The following RPS6KA5 variants were observed in gnomAD, a reference collection of about 807,000 sequenced individuals.
RPS6KA5 encodes ribosomal protein S6 kinase A5.
RPS6KA5 carries 27 observed loss-of-function variants against 85.5 expected under a neutral mutation model. The ratio of observed to expected loss-of-function variants is 0.32; its 90% confidence interval spans 0.23 to 0.44. The LOEUF is 0.44. Among genes scored for constraint, RPS6KA5 ranks in the 20% least tolerant of loss-of-function variants. The probability of loss-of-function intolerance (pLI) is 1.00; values close to 1 mark genes in which losing one functional copy is unlikely to be tolerated. For synonymous variants in RPS6KA5, 334 were observed against 348.2 expected, an observed-to-expected ratio of 0.96 and a Z score of 0.46; for missense variants, 811 against 980.9, an observed-to-expected ratio of 0.83 and a Z score of 2.31.
intron 1 of RPS6KA5, among the ~76,000 whole-genome samples, chr14:91,005,651 G>C (rs943911153): frequency 3.3e-5 from 5 of 152,204 alleles, no homozygotes; most frequent in African/African-American, 1.2e-4. Flanking sequence ...GAGTCTAGGT[G>C]TCTAAATAGT....
At chr14:90,880,795 T>C (rs1009239130) in intron 14 of RPS6KA5, among the ~76,000 whole-genome samples, 45 of 152,198 alleles carry the variant, frequency 3.0e-4, no homozygotes, top group African/African-American at 1.1e-3. Flanking sequence ...TTTATTAATA[T>C]ATGAGGACCC....
intron 5 of RPS6KA5, among the ~76,000 whole-genome samples, chr14:90,942,238 A>G (rs2037610445): frequency 6.6e-6 from 1 of 152,200 alleles, no homozygotes; most frequent in Non-Finnish European, 1.5e-5. Flanking sequence ...TACTCCAAAA[A>G]CCAATCAGAA....
chr14:91,001,008 G>T, intron 2 of RPS6KA5, 80 bp downstream of exon 2: 3 of 778,850 alleles, frequency 3.9e-6, no homozygotes, highest in Non-Finnish European at 4.3e-6. Flanking sequence ...TTTAATTTCT[G>T]TATTGGGGAT....
In RPS6KA5 at chr14:90,859,964, G is replaced by T. The variant is rs2032462156; in HGVS notation, c.*12110C>A. On this transcript the variant is annotated 3_prime_UTR_variant, in exon 17 of 17. Transcript: ENST00000614987. ...CATCACACGCTGGGGCCTGTCGGGG[G>T]GTTGGGGGCTAGGGGAGGGATAACA... 6.6e-6 allele frequency: 1 copy of T among 151,908 alleles called. No homozygotes were observed. The allele number at this position is 151,908 out of a possible 1,614,324, so 9.4% of individuals were successfully genotyped here. A position where few individuals can be genotyped will look rare whatever the true frequency, so the allele number is the denominator to read the frequency against.
chr14:90,917,616 A>G (rs558080769), intron 7 of RPS6KA5, among the ~76,000 whole-genome samples: 52 of 152,238 alleles, frequency 3.4e-4, no homozygotes, highest in Non-Finnish European at 2.6e-4. Flanking sequence ...ACTGTAGGTT[A>G]GTTTGCATTT....
At chr14:90,949,398 A>G (rs1194762793) in intron 3 of RPS6KA5, among the ~76,000 whole-genome samples, 1 of 152,196 alleles carries the variant, frequency 6.6e-6, no homozygotes, top group East Asian at 1.9e-4. Flanking sequence ...CTATACTGCA[A>G]TTGTTTATTT....
At chr14:90,920,611 GCTTATGATAGGGAA>G (rs2036356516) in intron 6 of RPS6KA5, among the ~76,000 whole-genome samples, 1 of 150,632 alleles carries the variant, frequency 6.6e-6, no homozygotes, top group South Asian at 2.1e-4. Flanking sequence ...ATTTCTTTGG[GCTTATGATAGGGAA>G]CTAAAGTATT....
chr14:90,942,318 T>A (rs1247697130), intron 5 of RPS6KA5, among the ~76,000 whole-genome samples: 1 of 152,178 alleles, frequency 6.6e-6, no homozygotes, highest in Admixed American at 6.6e-5. Flanking sequence ...CTACAAAAAT[T>A]TTAGTATGAT....
intron 1 of RPS6KA5, among the ~76,000 whole-genome samples, chr14:91,041,427 TTTTC>T (rs764306256): frequency 6.6e-6 from 1 of 152,222 alleles, no homozygotes; most frequent in African/African-American, 2.4e-5. Flanking sequence ...GAGATTATTT[TTTTC>T]TTTTTGTCAG....
At chr14:91,017,009 T>C (rs1222301538) in intron 1 of RPS6KA5, among the ~76,000 whole-genome samples, 1 of 152,192 alleles carries the variant, frequency 6.6e-6, no homozygotes, top group Non-Finnish European at 1.5e-5. Flanking sequence ...CTTTCCCACC[T>C]GTCATCCTAT....
chr14:90,921,272 G>A (rs576606915), intron 6 of RPS6KA5, among the ~76,000 whole-genome samples: 5 of 152,258 alleles, frequency 3.3e-5, no homozygotes, highest in South Asian at 2.1e-4. Context: ...GACTAAAATC[G>A]TGAGAGCAAA....
At chr14:91,057,209 TAGAC>T (rs964185632) in intron 1 of RPS6KA5, among the ~76,000 whole-genome samples, 3 of 152,092 alleles carry the variant, frequency 2.0e-5, no homozygotes, top group African/African-American at 7.2e-5. Context: ...GACATTTTCT[TAGAC>T]ATACATTCAA....
At chr14:90,931,610 G>A (rs1022320409) in intron 5 of RPS6KA5, among the ~76,000 whole-genome samples, 7 of 151,638 alleles carry the variant, frequency 4.6e-5, no homozygotes, top group African/African-American at 1.7e-4. Context: ...ATGTTAAATG[G>A]CAAAAAAGAT....
chr14:90,871,854 C>T lies in RPS6KA5; in HGVS notation c.*220G>A. 1 of 487,828 alleles carries T rather than the reference C, an allele frequency of 2.0e-6. No individual in the cohort carries two copies. The highest frequency in any genetic ancestry group is 3.6e-6 in the Non-Finnish European group (1 of 281,112). The allele number at this position is 487,828 out of a possible 1,614,324, so 30.2% of individuals were successfully genotyped here. ...CAAGAATAGTCTTGTTGGCATCATG[C>T]TAGGTTGCTAAAAAGAGTAATATGT... On this transcript the variant is annotated 3_prime_UTR_variant, in exon 17 of 17. Coordinates refer to ENST00000614987, the MANE Select transcript of RPS6KA5 (RefSeq NM_004755.4).
At chr14:91,021,942 G>A (rs1172668814) in intron 1 of RPS6KA5, among the ~76,000 whole-genome samples, 1 of 152,154 alleles carries the variant, frequency 6.6e-6, no homozygotes, top group East Asian at 1.9e-4. Context: ...CATCAGGTAT[G>A]CTGCTTGCTA....
intron 1 of RPS6KA5, among the ~76,000 whole-genome samples, chr14:91,059,780 G>C (rs1265191317): frequency 6.6e-6 from 1 of 152,224 alleles, no homozygotes; most frequent in Non-Finnish European, 1.5e-5. Context: ...TGGAGCCGGC[G>C]ATTCCTGTTC....
intron 13 of RPS6KA5, among the ~76,000 whole-genome samples, chr14:90,891,705 G>A (rs950975690): frequency 6.6e-6 from 1 of 152,178 alleles, no homozygotes; most frequent in African/African-American, 2.4e-5. Context: ...AGTCAATAAA[G>A]TGGGTGGAAA....
intron 1 of RPS6KA5, among the ~76,000 whole-genome samples, chr14:91,048,569 A>C (rs767752430): frequency 6.6e-6 from 1 of 152,190 alleles, no homozygotes; most frequent in Non-Finnish European, 1.5e-5. Context: ...ATAAAATAGA[A>C]CTTCTGTGAT....
At chr14:90,985,103 A>G (rs995140360) in intron 2 of RPS6KA5, among the ~76,000 whole-genome samples, 2 of 152,014 alleles carry the variant, frequency 1.3e-5, no homozygotes, top group African/African-American at 2.4e-5. Context: ...CACCACGCCC[A>G]TCTAATTTTT....
Sources: allele counts gnomAD v4.1 joint callset (sites outside exome capture counted in the v4.1 genomes callset), GRCh38; gene constraint gnomAD v4.1.1; transcripts MANE v1.5; gene names NCBI Gene and HGNC (gene_info 2026-07-23, HGNC 2026-07-21).